Variants in MCPH1 observed in about 807,000 individuals in gnomAD.
The protein encoded by MCPH1 is microcephalin.
MCPH1 carries 104 observed loss-of-function variants against 84.5 expected under a neutral mutation model. The observed-to-expected ratio is 1.23, with a 90% CI of 1.05 to 1.45. The LOEUF is 1.45. MCPH1 is among the 40% of genes most tolerant of loss of function. The probability of loss-of-function intolerance (pLI) is 0.00; values close to 1 mark genes in which losing one functional copy is unlikely to be tolerated. For missense variants in MCPH1, 1,498 were observed against 1,005.7 expected, an observed-to-expected ratio of 1.49 and a Z score of -6.62; for synonymous variants, 514 against 366.8, an observed-to-expected ratio of 1.40 and a Z score of -4.58.
intron 12 of MCPH1, among the ~76,000 whole-genome samples, chr8:6,512,861 A>G (rs1401351426): frequency 6.6e-6 from 1 of 152,210 alleles, no homozygotes; most frequent in African/African-American, 2.4e-5. Flanking sequence ...TATTTCCTGT[A>G]GAGGAGAGCA....
intron 4 of MCPH1, among the ~76,000 whole-genome samples, chr8:6,432,857 T>C (rs953150480): frequency 6.6e-6 from 1 of 152,262 alleles, no homozygotes; most frequent in East Asian, 1.9e-4. Context: ...CAAGTGTTTA[T>C]TGTAAAAACA....
chr8:6,479,462 T>A (rs1808909676), intron 10 of MCPH1, among the ~76,000 whole-genome samples: 1 of 149,800 alleles, frequency 6.7e-6, no homozygotes, highest in African/African-American at 2.5e-5. Context: ...TGAGACAGAG[T>A]CTCCCTCTGT....
chr8:6,567,474 G>A (rs148951261), intron 12 of MCPH1, among the ~76,000 whole-genome samples: 11 of 152,318 alleles, frequency 7.2e-5, no homozygotes, highest in African/African-American at 2.2e-4. Context: ...GCTTACTAAC[G>A]GGATAGAATA....
Position 6,434,098 on chromosome 8 carries a change from A to G in MCPH1, c.322-1950A>G, listed in dbSNP as rs1296121964. Among the ~76,000 whole-genome samples, 3 of 151,940 alleles carry G rather than the reference A, an allele frequency of 2.0e-5. No homozygotes were observed. The South Asian group carries it at 6.2e-4, about 32-fold the overall frequency. ...CCGTTTATACCAGCAGTTCCTTCCC[A>G]CTTGTGCCAACTATGCAAGTCTCTT... is the stretch of plus-strand genomic sequence containing the variant. On this transcript the variant is annotated intron_variant, in intron 4 of 13. Transcript: ENST00000344683.
At chr8:6,532,592 ATCTATC>A in intron 12 of MCPH1, 34 of 806,080 alleles carry the variant, frequency 4.2e-5, no homozygotes, top group Non-Finnish European at 5.4e-5. Flanking sequence ...AAAAAAAAAA[ATCTATC>A]AAAAGACTTG....
intron 12 of MCPH1, among the ~76,000 whole-genome samples, chr8:6,613,453 G>A (rs1254497714): frequency 6.6e-6 from 1 of 152,144 alleles, no homozygotes; most frequent in Non-Finnish European, 1.5e-5. Flanking sequence ...TCACGGGGGG[G>A]TGGTGGGCTG....
At chr8:6,437,780 C>T (rs1039094383) in intron 5 of MCPH1, among the ~76,000 whole-genome samples, 1 of 152,170 alleles carries the variant, frequency 6.6e-6, no homozygotes, top group Non-Finnish European at 1.5e-5. Flanking sequence ...CCCATCAAGA[C>T]CATGGCCCTG....
intron 1 of MCPH1, chr8:6,406,962 C>T (rs1237154267): frequency 1.4e-5 from 7 of 516,160 alleles, no homozygotes; most frequent in South Asian, 1.3e-4. Flanking sequence ...CCCCCGACTG[C>T]CTGCTTCCTC....
At chr8:6,601,213 C>A (rs75661321) in intron 12 of MCPH1, among the ~76,000 whole-genome samples, 7,029 of 152,236 alleles carry the variant, frequency 0.046, 559 homozygotes, top group African/African-American at 0.16. Context: ...CAGCTTCCAC[C>A]CTCACAGCTC....
intron 12 of MCPH1, among the ~76,000 whole-genome samples, chr8:6,540,276 A>G (rs867293968): frequency 3.3e-5 from 5 of 152,312 alleles, no homozygotes; most frequent in African/African-American, 4.8e-5. Context: ...CCAAAATTTG[A>G]TAAGGAAATG....
intron 8 of MCPH1, among the ~76,000 whole-genome samples, chr8:6,450,859 C>T (rs1458570404): frequency 1.3e-5 from 2 of 152,094 alleles, no homozygotes; most frequent in East Asian, 1.9e-4. Context: ...CCTCCCACCT[C>T]AGCATCCTGA....
intron 12 of MCPH1, among the ~76,000 whole-genome samples, chr8:6,548,451 C>T (rs1366888689): frequency 2.0e-5 from 3 of 152,164 alleles, no homozygotes; most frequent in Admixed American, 6.5e-5. Context: ...CCCCAGTGGT[C>T]GCTAGCTCTC....
chr8:6,583,857 GT>G (rs1463525699), intron 12 of MCPH1, among the ~76,000 whole-genome samples: 6 of 140,312 alleles, frequency 4.3e-5, no homozygotes, highest in South Asian at 2.3e-4. Context: ...TTCTTGTTTT[GT>G]TTTTTTTTTT....
chr8:6,626,352 A>G, intron 13 of MCPH1: 1 of 985,136 alleles, frequency 1.0e-6, no homozygotes, highest in South Asian at 4.7e-5. Context: ...GGGCATGATT[A>G]CGTTCCCTCT....
At chr8:6,476,024 T>A (rs186551026) in intron 9 of MCPH1, among the ~76,000 whole-genome samples, 356 of 152,266 alleles carry the variant, frequency 2.3e-3, no homozygotes, top group Non-Finnish European at 4.4e-3. Context: ...GTTAAACTTA[T>A]CATCAAAATA....
At chr8:6,588,139 CT>C (rs1563159687) in intron 12 of MCPH1, among the ~76,000 whole-genome samples, 1 of 152,100 alleles carries the variant, frequency 6.6e-6, no homozygotes, top group Non-Finnish European at 1.5e-5. Context: ...GTCCACAGGG[CT>C]AGTCTTGAGG....
intron 13 of MCPH1, among the ~76,000 whole-genome samples, chr8:6,631,395 A>G (rs148901205): frequency 1.2e-4 from 18 of 152,318 alleles, no homozygotes; most frequent in African/African-American, 3.4e-4. Flanking sequence ...AAAGCAATCT[A>G]TGGAGTAGGA....
intron 12 of MCPH1, among the ~76,000 whole-genome samples, chr8:6,524,837 A>C (rs1016401816): frequency 4.6e-5 from 7 of 152,214 alleles, no homozygotes; most frequent in Admixed American, 3.3e-4. Context: ...TGAAGAGAAA[A>C]TGGAGACCCT....
chr8:6,579,958 C>T (rs141531185), intron 12 of MCPH1, among the ~76,000 whole-genome samples: 21 of 152,312 alleles, frequency 1.4e-4, no homozygotes, highest in Admixed American at 8.5e-4. Context: ...CCACCAAGGC[C>T]GTGCCCCTGC....
Sources: allele counts gnomAD v4.1 joint callset (sites outside exome capture counted in the v4.1 genomes callset), GRCh38; gene constraint gnomAD v4.1.1; transcripts MANE v1.5; gene names NCBI Gene and HGNC (gene_info 2026-07-23, HGNC 2026-07-21).